Variants in RELN observed in about 807,000 individuals in gnomAD.
The protein encoded by RELN is reelin.
RELN carries 108 observed loss-of-function variants against 427.6 expected under a neutral mutation model. The ratio of observed to expected loss-of-function variants is 0.25; its 90% CI spans 0.22 to 0.30. The LOEUF (loss-of-function observed/expected upper bound fraction) is 0.30. Among genes scored for constraint, RELN ranks in the 10% least tolerant of loss-of-function variants. RELN has a pLI of 1.00. For missense variants in RELN, 3,715 were observed against 4,302.8 expected, an observed-to-expected ratio of 0.86 and a Z score of 3.82; for synonymous variants, 1,524 against 1,513.4, an observed-to-expected ratio of 1.01 and a Z score of -0.16.
chr7:103,692,183 G>T lies in RELN; in HGVS notation c.1143+5670C>A, dbSNP rs149857180. Among the ~76,000 whole-genome samples, 360 of 152,238 alleles carry T rather than the reference G, an allele frequency of 2.4e-3. 1 individual carries two copies. Among genetic ancestry groups the T allele is most frequent in the Middle Eastern group, 6.8e-3 (2 of 294 alleles). On this transcript the variant is annotated intron_variant, in intron 10 of 64. Transcript: ENST00000428762. ...GCTTTTCTAGGTTGTCTGAGATCCT[G>T]TCCCAGTGGGATCACGAAGGGGCAA...
intron 12 of RELN, among the ~76,000 whole-genome samples, chr7:103,660,089 A>T (rs1833105886): frequency 6.6e-6 from 1 of 152,212 alleles, no homozygotes; most frequent in Non-Finnish European, 1.5e-5. Flanking sequence ...GAACTTATAT[A>T]ATGATGACTT....
At chr7:103,747,036 G>T (rs1323452186) in intron 6 of RELN, among the ~76,000 whole-genome samples, 2 of 152,082 alleles carry the variant, frequency 1.3e-5, no homozygotes, top group Non-Finnish European at 2.9e-5. Context: ...AATGATAGAT[G>T]GATTAAGAAA....
intron 12 of RELN, among the ~76,000 whole-genome samples, chr7:103,659,206 T>C (rs1246022021): frequency 2.0e-5 from 3 of 152,020 alleles, no homozygotes; most frequent in African/African-American, 7.2e-5. Context: ...ATTTCTTTTC[T>C]AAATCTAGCA....
intron 2 of RELN, among the ~76,000 whole-genome samples, chr7:103,916,309 T>A (rs1257254948): frequency 6.6e-6 from 1 of 152,242 alleles, no homozygotes; most frequent in African/African-American, 2.4e-5. Context: ...AATGCAATTC[T>A]ATCCTTCTCA....
intron 29 of RELN, 113 bp downstream of exon 29, chr7:103,575,435 A>G: frequency 6.4e-6 from 8 of 1,243,804 alleles, no homozygotes; most frequent in Non-Finnish European, 9.4e-6. Context: ...CAATTCCTAG[A>G]CTTAAAGAGG....
chr7:103,770,913 C>CAT (rs1791552366), intron 4 of RELN, among the ~76,000 whole-genome samples: 1 of 119,134 alleles, frequency 8.4e-6, no homozygotes, highest in Non-Finnish European at 1.7e-5. Context: ...CAATCGCTTA[C>CAT]TTTTTTTTTT....
Position 103,573,567 on chromosome 7 carries a change from T to C in RELN, c.4511+525A>G, listed in dbSNP as rs1830931354. On this transcript the variant is annotated intron_variant, in intron 30 of 64. Transcript: ENST00000428762. The surrounding 1 kb of genome is among the most constrained non-coding windows in gnomAD (Gnocchi z 4.4). ...TTCTTCCACTTCTCAAATAATTTAA[T>C]TGCTCTTTTAAAAAGCAGTTTTATT... Among the ~76,000 whole-genome samples the C allele has an allele frequency of 6.6e-6, 1 of 152,236 alleles. No homozygotes were observed. The highest frequency in any genetic ancestry group is 6.5e-5 in the Admixed American group (1 of 15,284).
intron 51 of RELN, among the ~76,000 whole-genome samples, chr7:103,510,284 T>C (rs545326328): frequency 6.6e-6 from 1 of 152,286 alleles, no homozygotes; most frequent in African/African-American, 2.4e-5. Context: ...GTGGCACATA[T>C]ACACCATGGA....
intron 8 of RELN, among the ~76,000 whole-genome samples, chr7:103,719,891 C>T (rs552640176): frequency 2.6e-5 from 4 of 152,232 alleles, no homozygotes; most frequent in South Asian, 4.1e-4. Flanking sequence ...ATGAAAAGTT[C>T]TTCTACGAAT....
chr7:103,936,900 T>C (rs1453976647), intron 1 of RELN, among the ~76,000 whole-genome samples: 2 of 152,236 alleles, frequency 1.3e-5, no homozygotes, highest in African/African-American at 4.8e-5. Context: ...CATTAACCAA[T>C]TAATGTTATC....
chr7:103,903,993 C>T (rs1795139460), intron 2 of RELN, among the ~76,000 whole-genome samples: 1 of 152,048 alleles, frequency 6.6e-6, no homozygotes, highest in South Asian at 2.1e-4. Flanking sequence ...TCCTAATGCT[C>T]TCTCTACCTT....
rs887464925 is a variant in RELN at position 103,490,680 on chromosome 7, T to C, written c.9593A>G (p.His3198Arg). The change falls in exon 59 of 65, where the codon CAT becomes CGT. Residue 3198 changes from histidine (H) to arginine (R), a missense_variant. Transcript: ENST00000428762. Reference sequence around the variant, plus strand: ...ATTTGCAACCTACCTAGAGGAGACATGGTCAGGCAGCTGGATGGTGATTCT... The same window carrying C: ...ATTTGCAACCTACCTAGAGGAGACACGGTCAGGCAGCTGGATGGTGATTCT... ...WKRITIQLPD[H>R]VSSSATQFRW... 2.6e-5 allele frequency: 42 copies of C among 1,614,200 alleles called. No individual in the cohort carries two copies. The highest frequency in any genetic ancestry group is 3.3e-5 in the Non-Finnish European group (39 of 1,180,040).
At chr7:103,819,167 A>G (rs1268648501) in intron 3 of RELN, among the ~76,000 whole-genome samples, 1 of 152,146 alleles carries the variant, frequency 6.6e-6, no homozygotes, top group Non-Finnish European at 1.5e-5. Flanking sequence ...TCATAATCAG[A>G]GGTAAAATTG....
At chr7:103,900,326 G>GCT (rs767410976) in intron 2 of RELN, among the ~76,000 whole-genome samples, 19 of 152,078 alleles carry the variant, frequency 1.2e-4, no homozygotes, top group Non-Finnish European at 2.5e-4. Context: ...AACACCCCAT[G>GCT]CTCATGTATA....
intron 61 of RELN, 111 bp from the exon 62 acceptor site, chr7:103,483,961 C>T (rs764977600): frequency 3.0e-5 from 32 of 1,070,326 alleles, no homozygotes; most frequent in African/African-American, 1.6e-4. Context: ...CTCACTACAA[C>T]GTCTGCCTAC....
intron 2 of RELN, among the ~76,000 whole-genome samples, chr7:103,853,400 A>T (rs1001757943): frequency 2.0e-5 from 3 of 151,972 alleles, no homozygotes; most frequent in African/African-American, 7.2e-5. Context: ...TTGCTTTTTC[A>T]TTCAAATTCT....
intron 2 of RELN, among the ~76,000 whole-genome samples, chr7:103,912,201 C>CTT (rs71923959): frequency 0.11 from 15,601 of 144,416 alleles, 1,646 homozygotes; most frequent in African/African-American, 0.27. Context: ...TCACTTTAAG[C>CTT]TTTTTTTTTT....
At chr7:103,823,403 C>T (rs533441504) in intron 3 of RELN, among the ~76,000 whole-genome samples, 43 of 151,906 alleles carry the variant, frequency 2.8e-4, no homozygotes, top group African/African-American at 9.9e-4. Flanking sequence ...TTTAAATTTA[C>T]CCTTTTCCTT....
intron 11 of RELN, among the ~76,000 whole-genome samples, chr7:103,680,162 A>G (rs1428362316): frequency 6.6e-6 from 1 of 152,126 alleles, no homozygotes; most frequent in African/African-American, 2.4e-5. Context: ...TTCTTGGAAG[A>G]TACAGGCACA....
Sources: gnomAD v4.1 joint callset for allele counts (sites outside exome capture counted in the v4.1 genomes callset) on GRCh38, gnomAD v4.1.1 for gene constraint, Gnocchi (gnomAD v3.1) non-coding constraint, MANE v1.5 for transcripts, NCBI Gene and HGNC (gene_info 2026-07-23, HGNC 2026-07-21) for gene names.